Variants in TNRC6A observed in about 807,000 individuals in gnomAD.
The protein encoded by TNRC6A is trinucleotide repeat-containing gene 6A protein.
A neutral mutation model predicts 221.2 loss-of-function variants in TNRC6A; 44 were observed. That is an observed-to-expected ratio of 0.20 (90% CI 0.16 to 0.26). The LOEUF (loss-of-function observed/expected upper bound fraction) is 0.26. TNRC6A is among the 10% of genes least tolerant of loss of function. The pLI is 1.00. For missense variants in TNRC6A, 2,199 were observed against 2,404.4 expected (o/e 0.91, Z 1.79); for synonymous variants, 847 against 838.5 (o/e 1.01, Z -0.18).
chr16:24,758,201 C>T lies in TNRC6A; in HGVS notation c.142-138C>T, dbSNP rs1596629047. ...CTTTCCTTGCATATCTTTTCCTGTG[C>T]AGTTCATCTATTTGAGAAATTCCTT... On this transcript the variant is annotated intron_variant, in intron 3 of 24. Coordinates refer to ENST00000395799, the MANE Select transcript of TNRC6A (RefSeq NM_014494.4). 6.4e-6 allele frequency: 5 copies of T among 776,104 alleles called. No individual in the cohort carries two copies. The South Asian group carries it at 9.1e-5, about 14-fold the overall frequency. The allele number at this position is 776,104 out of a possible 1,614,324, so 48.1% of individuals were successfully genotyped here.
intron 11 of TNRC6A, among the ~76,000 whole-genome samples, chr16:24,800,470 C>G (rs777854549): frequency 3.3e-5 from 5 of 152,210 alleles, no homozygotes; most frequent in Non-Finnish European, 7.3e-5. Context: ...GTGACATGAG[C>G]TCCTCAGTAA....
At chr16:24,647,724 G>A (rs1309340052) in intron 2 of TNRC6A, among the ~76,000 whole-genome samples, 1 of 152,132 alleles carries the variant, frequency 6.6e-6, no homozygotes, top group Admixed American at 6.6e-5. Context: ...GGATTCTTCT[G>A]CCTCAGCCTC....
chr16:24,630,998 G>C (rs1473887370), intron 1 of TNRC6A, among the ~76,000 whole-genome samples: 1 of 150,674 alleles, frequency 6.6e-6, no homozygotes, highest in Non-Finnish European at 1.5e-5. Flanking sequence ...GTCCATGCTT[G>C]TACATACAGA....
intron 4 of TNRC6A, among the ~76,000 whole-genome samples, chr16:24,762,164 C>T (rs911457760): frequency 6.6e-6 from 1 of 152,114 alleles, no homozygotes; most frequent in Non-Finnish European, 1.5e-5. Flanking sequence ...TTATTACTGC[C>T]GCTCTGTTTC....
In TNRC6A at chr16:24,777,104, A is replaced by G; in HGVS notation, c.335A>G (p.Gln112Arg). Residue 112 changes from glutamine (Q) to arginine (R), a missense_variant, in exon 5 of 25, where the codon CAG (glutamine) becomes CGG (arginine). Gln to Arg is a conservative substitution (Grantham distance 43). Coordinates refer to ENST00000395799, the MANE Select transcript of TNRC6A (RefSeq NM_014494.4). ...CCGCAGCAGCAGCAGCCACAGCAGC[A>G]GCCACAGCCGCAGCCGCAGCAGCAG... is the stretch of plus-strand genomic sequence containing the variant. Reference protein sequence around the residue: ...QQPQQQQPQQQPQPQPQQQQP... With the variant: ...QQPQQQQPQQRPQPQPQQQQP... 6 of 1,090,886 alleles carry G rather than the reference A, an allele frequency of 5.5e-6. No homozygotes were observed. Among genetic ancestry groups the G allele is most frequent in the Non-Finnish European group, 7.8e-6 (6 of 768,690 alleles). The allele number at this position is 1,090,886 out of a possible 1,614,324, so 67.6% of individuals were successfully genotyped here.
intron 2 of TNRC6A, among the ~76,000 whole-genome samples, chr16:24,705,610 G>A (rs1170877672): frequency 6.6e-6 from 1 of 152,206 alleles, no homozygotes; most frequent in Non-Finnish European, 1.5e-5. Context: ...GGGATTACAG[G>A]CATGAGTCAC....
At chr16:24,691,057 G>A (rs190018424) in intron 2 of TNRC6A, among the ~76,000 whole-genome samples, 3 of 152,046 alleles carry the variant, frequency 2.0e-5, no homozygotes, top group East Asian at 1.9e-4. Context: ...TGATCCACCC[G>A]CCTCGGCCTC....
At position 24,789,582 on chromosome 16, in the gene TNRC6A, G is replaced by C. The variant is rs2058051618; in HGVS notation, c.940G>C (p.Gly314Arg). 6.8e-6 allele frequency: 11 copies of C among 1,614,048 alleles called. No homozygotes were observed. Among genetic ancestry groups the C allele is most frequent in the Non-Finnish European group, 9.3e-6 (11 of 1,180,028 alleles). Residue 314 changes from glycine (G) to arginine (R), a missense_variant, in exon 6 of 25, where the codon GGT (glycine) becomes CGT (arginine). Transcript: ENST00000395799. ...VGHGSSTGPW[G>R]FSHGAIISTC... The stretch of plus-strand genomic sequence containing the variant: ...CCATGGAAGTAGTACTGGGCCATGG[G>C]GTTTTTCCCATGGAGCCATAATAAG...
At chr16:24,716,419 A>G (rs969661374) in intron 2 of TNRC6A, among the ~76,000 whole-genome samples, 1 of 152,198 alleles carries the variant, frequency 6.6e-6, no homozygotes, top group Non-Finnish European at 1.5e-5. Context: ...CTGGAATCCC[A>G]GCACTTTGGG....
rs184104197 is a variant in TNRC6A, at chr16:24,768,171, C to T, written c.164-8762C>T. 6.6e-5 allele frequency among the ~76,000 whole-genome samples: 10 copies of T among 152,200 alleles called. No individual in the cohort carries two copies. In the South Asian group the frequency reaches 2.1e-3, roughly 32 times the overall value. On this transcript the variant is annotated intron_variant, in intron 4 of 24. Transcript: ENST00000395799. ...CCTGGGCCGGGCGCGGTGGCTCATG[C>T]CTGTAATCCCAGCACTTTGGGAGGC...
At chr16:24,803,674 C>G (rs995846712) in intron 11 of TNRC6A, 1 of 152,968 alleles carries the variant, frequency 6.5e-6, no homozygotes, top group South Asian at 2.1e-4. Flanking sequence ...CCGAAGCGGC[C>G]GGATCACTTG....
At chr16:24,754,269 T>G (rs1326635014) in intron 3 of TNRC6A, among the ~76,000 whole-genome samples, 7 of 152,176 alleles carry the variant, frequency 4.6e-5, no homozygotes, top group Admixed American at 4.6e-4. Flanking sequence ...GATATTTTCG[T>G]TTTGATAGTT....
intron 2 of TNRC6A, among the ~76,000 whole-genome samples, chr16:24,673,629 C>T (rs944007894): frequency 3.3e-5 from 5 of 152,112 alleles, no homozygotes; most frequent in Admixed American, 6.5e-5. Context: ...GGTGCAATCA[C>T]GGCTCACTGC....
At chr16:24,644,350 A>G (rs1902165238) in intron 2 of TNRC6A, among the ~76,000 whole-genome samples, 1 of 151,808 alleles carries the variant, frequency 6.6e-6, no homozygotes, top group Non-Finnish European at 1.5e-5. Flanking sequence ...GCTGGAGTGC[A>G]GTGGTGCAAT....
chr16:24,799,957 C>T (rs2058298558), intron 11 of TNRC6A, among the ~76,000 whole-genome samples: 1 of 152,220 alleles, frequency 6.6e-6, no homozygotes, highest in African/African-American at 2.4e-5. Context: ...CGACAGTCTT[C>T]ACTGCCTTCA....
chr16:24,700,334 T>C (rs8049094), intron 2 of TNRC6A, among the ~76,000 whole-genome samples: 70,363 of 151,742 alleles, frequency 0.46, 17,560 homozygotes, highest in African/African-American at 0.66. Flanking sequence ...TTCCCAAGTT[T>C]AAGCAATTCT....
At chr16:24,713,436 ACAAACAAACAAAC>A (rs1385881802) in intron 2 of TNRC6A, among the ~76,000 whole-genome samples, 2 of 130,468 alleles carry the variant, frequency 1.5e-5, no homozygotes, top group African/African-American at 5.9e-5. Context: ...AAACAAACAA[ACAAACAAACAAAC>A]AAAAAAATAT....
intron 2 of TNRC6A, among the ~76,000 whole-genome samples, chr16:24,682,357 C>G (rs1228712323): frequency 1.3e-5 from 2 of 149,526 alleles, no homozygotes; most frequent in Non-Finnish European, 3.0e-5. Flanking sequence ...TCCCAAGTAG[C>G]TGGGACTACA....
At chr16:24,692,263 A>T (rs1352282867) in intron 2 of TNRC6A, among the ~76,000 whole-genome samples, 1 of 152,114 alleles carries the variant, frequency 6.6e-6, no homozygotes, top group Non-Finnish European at 1.5e-5. Flanking sequence ...ACCTCTGGAG[A>T]TTGTAATTTT....
Sources: allele counts gnomAD v4.1 joint callset (sites outside exome capture counted in the v4.1 genomes callset), GRCh38; gene constraint gnomAD v4.1.1; transcripts MANE v1.5; gene names NCBI Gene and HGNC (gene_info 2026-07-23, HGNC 2026-07-21).